Variants in EEF2K observed in about 807,000 individuals in gnomAD.
EEF2K encodes the protein eukaryotic elongation factor 2 kinase.
EEF2K carries 70 observed loss-of-function variants against 93.8 expected under a neutral mutation model. The observed-to-expected ratio is 0.75, with a 90% confidence interval of 0.62 to 0.91. The LOEUF is 0.91. Among genes scored for constraint, EEF2K ranks in the 40% least tolerant of loss-of-function variants. The pLI is 0.00. For missense variants in EEF2K, 935 were observed against 972.9 expected (o/e 0.96, Z 0.52); for synonymous variants, 376 against 380.8 (o/e 0.99, Z 0.15).
chr16:22,274,383 G>A (rs1350564872), intron 16 of EEF2K, among the ~76,000 whole-genome samples: 1 of 150,796 alleles, frequency 6.6e-6, no homozygotes, highest in Non-Finnish European at 1.5e-5. Flanking sequence ...GGCGGAGATT[G>A]CCGTGAGCCA....
chr16:22,233,639 G>C (rs2047138440), intron 2 of EEF2K, among the ~76,000 whole-genome samples: 1 of 152,118 alleles, frequency 6.6e-6, no homozygotes. Flanking sequence ...GTGAGAGATT[G>C]CACCACTGCC....
chr16:22,260,360 A>T lies in EEF2K; in HGVS notation c.1232-102A>T. 5.2e-6 allele frequency: 6 copies of T among 1,153,714 alleles called. No homozygotes were observed. In the South Asian group the frequency reaches 8.7e-5, roughly 17 times the overall value. 71.5% of individuals were successfully genotyped at this position (1,153,714 alleles called of 1,614,324 possible). On this transcript the variant is annotated intron_variant, in intron 10 of 17. Transcript: ENST00000263026. ...CCTTTCTTTAAAGCTTAAAAAAAAA[A>T]AAAGGCTTGGTGGCAGGTATGGACC... is the stretch of plus-strand genomic sequence containing the variant.
chr16:22,219,633 A>C, intron 1 of EEF2K, among the ~76,000 whole-genome samples: 1 of 152,230 alleles, frequency 6.6e-6, no homozygotes, highest in East Asian at 1.9e-4. Flanking sequence ...TTCTCAAAAA[A>C]TAAAACTTTA....
intron 1 of EEF2K, among the ~76,000 whole-genome samples, chr16:22,213,581 C>G (rs1191547805): frequency 6.6e-6 from 1 of 152,202 alleles, no homozygotes; most frequent in African/African-American, 2.4e-5. Flanking sequence ...GCTGCAATTA[C>G]TTAGTGGCTT....
In EEF2K at chr16:22,225,781, T is replaced by TC. The variant is rs1382281782; in HGVS notation, c.58dup (p.Arg20ProfsTer5). The TC allele has an allele frequency of 1.9e-6, 3 of 1,613,924 alleles. No individual in the cohort carries two copies. The highest frequency in any genetic ancestry group is 2.7e-5 in the African/African-American group (2 of 74,868). On this transcript the variant is annotated frameshift_variant, in exon 2 of 18. Transcript: ENST00000263026. LOFTEE classifies it high-confidence loss of function. ...CCTGGAAGGCGTTGATGGCGGCCAG[T>TC]CCCCCCGAGCTGGCCATGATGGTGA...
chr16:22,229,153 A>G (rs1342204276), intron 2 of EEF2K, among the ~76,000 whole-genome samples: 2 of 151,832 alleles, frequency 1.3e-5, no homozygotes, highest in Admixed American at 1.3e-4. Context: ...CAAAAAACAA[A>G]AAACAAAAAC....
intron 2 of EEF2K, among the ~76,000 whole-genome samples, chr16:22,244,243 C>T (rs532501710): frequency 7.5e-5 from 10 of 133,862 alleles, no homozygotes; most frequent in East Asian, 2.2e-4. Flanking sequence ...TATATATATA[C>T]GTTATATTCT....
At chr16:22,263,269 AG>A in intron 12 of EEF2K, 82 bp downstream of exon 12, 1 of 1,332,188 alleles carries the variant, frequency 7.5e-7, no homozygotes, top group South Asian at 1.3e-5. Flanking sequence ...CCCTTCCTGG[AG>A]GGGGAATATG....
At chr16:22,217,732 C>T (rs2046972859) in intron 1 of EEF2K, among the ~76,000 whole-genome samples, 1 of 152,130 alleles carries the variant, frequency 6.6e-6, no homozygotes, top group Admixed American at 6.6e-5. Context: ...AGATTACAGG[C>T]GTGAGCCACC....
intron 6 of EEF2K, 83 bp downstream of exon 6, chr16:22,251,405 TATTTCAC>T: frequency 7.0e-7 from 1 of 1,433,318 alleles, no homozygotes; most frequent in Middle Eastern, 2.3e-4. Flanking sequence ...GGTGAATCCC[TATTTCAC>T]CTTCTTTTTT....
At chr16:22,221,608 A>G (rs1472315151) in intron 1 of EEF2K, among the ~76,000 whole-genome samples, 1 of 152,204 alleles carries the variant, frequency 6.6e-6, no homozygotes, top group Non-Finnish European at 1.5e-5. Flanking sequence ...TAGCCAGAGT[A>G]CCAAAGCCTT....
At chr16:22,226,370 G>A (rs1426279946) in intron 2 of EEF2K, among the ~76,000 whole-genome samples, 16 of 111,466 alleles carry the variant, frequency 1.4e-4, no homozygotes, top group African/African-American at 4.8e-4. Context: ...GAACAGAACA[G>A]AATAAAACAG....
In EEF2K at chr16:22,286,832, T is replaced by A. The variant is rs1262691547; in HGVS notation, c.*2836T>A. 1.3e-5 allele frequency: 2 copies of A among 152,244 alleles called. No homozygotes were observed. The highest frequency in any genetic ancestry group is 2.9e-5 in the Non-Finnish European group (2 of 68,082). The allele number at this position is 152,244 out of a possible 1,614,324, so 9.4% of individuals were successfully genotyped here. A position where few individuals can be genotyped will look rare whatever the true frequency, so the allele number is the denominator to read the frequency against. On this transcript the variant is annotated 3_prime_UTR_variant, in exon 18 of 18. Coordinates refer to ENST00000263026, the MANE Select transcript of EEF2K (RefSeq NM_013302.5). ...CCAGCCCTAGTCAGTGCACTCACCC[T>A]TTGAGGCTCTGGTTCCTCCAAACAA...
chr16:22,257,771 G>A lies in EEF2K; in HGVS notation c.1029+1G>A, dbSNP rs1243361839. 3 of 1,613,328 alleles carry A rather than the reference G, an allele frequency of 1.9e-6. No homozygotes were observed. Among genetic ancestry groups the A allele is most frequent in the Non-Finnish European group, 2.5e-6 (3 of 1,179,914 alleles). ...AGTGAATCAGAACACCAAGCTGCTG[G>A]TGGGTGCCCAGTGTGACCCTGCTTG... On this transcript the variant is annotated splice_donor_variant, in intron 9 of 17. Coordinates refer to ENST00000263026, the MANE Select transcript of EEF2K (RefSeq NM_013302.5). LOFTEE classifies it high-confidence loss of function.
At chr16:22,259,206 G>A (rs957558777) in intron 10 of EEF2K, among the ~76,000 whole-genome samples, 1 of 152,190 alleles carries the variant, frequency 6.6e-6, no homozygotes, top group Admixed American at 6.6e-5. Flanking sequence ...AAAGAGTGGA[G>A]TTTGCTGATG....
At chr16:22,212,799 C>G (rs1421203215) in intron 1 of EEF2K, among the ~76,000 whole-genome samples, 1 of 151,604 alleles carries the variant, frequency 6.6e-6, no homozygotes, top group African/African-American at 2.4e-5. Flanking sequence ...TGGCAAGACA[C>G]CATCTCTACA....
rs866141083 is a variant in EEF2K, at chr16:22,225,787, C to T, written c.58C>T (p.Arg20Ter). The change falls in exon 2 of 18, where the codon CGA becomes TGA. Residue 20 changes from arginine to a stop codon, truncating the protein, a stop_gained. Coordinates refer to ENST00000263026, the MANE Select transcript of EEF2K (RefSeq NM_013302.5). LOFTEE classifies it high-confidence loss of function. ...LEGVDGGQSP[R>*]AGHDGDSDGD... ...AGGCGTTGATGGCGGCCAGTCCCCC[C>T]GAGCTGGCCATGATGGTGATTCTGA... is the stretch of plus-strand genomic sequence containing the variant. 4.3e-6 allele frequency: 7 copies of T among 1,614,060 alleles called. No individual in the cohort carries two copies. Among genetic ancestry groups the T allele is most frequent in the African/African-American group, 1.3e-5 (1 of 74,926 alleles).
intron 2 of EEF2K, among the ~76,000 whole-genome samples, chr16:22,236,520 G>T (rs1237130300): frequency 4.6e-5 from 7 of 151,972 alleles, no homozygotes; most frequent in Non-Finnish European, 7.4e-5. Flanking sequence ...GTCTGCAGAA[G>T]TGATGATGGG....
At chr16:22,274,076 C>T (rs1036615785) in intron 16 of EEF2K, among the ~76,000 whole-genome samples, 2 of 151,964 alleles carry the variant, frequency 1.3e-5, no homozygotes, top group African/African-American at 2.4e-5. Flanking sequence ...GAGGCCAAGG[C>T]GGGCAGATCA....
Sources: allele counts gnomAD v4.1 joint callset (sites outside exome capture counted in the v4.1 genomes callset), GRCh38; gene constraint gnomAD v4.1.1; transcripts MANE v1.5; gene names NCBI Gene and HGNC (gene_info 2026-07-23, HGNC 2026-07-21).